SEM1: variants seen among roughly 807,000 people sequenced by gnomAD.
SEM1 encodes 26S proteasome complex subunit SEM1.
SEM1 carries 3 observed loss-of-function variants against 12.7 expected under a neutral mutation model. The ratio of observed to expected loss-of-function variants is 0.24; its 90% CI spans 0.11 to 0.61. The LOEUF (loss-of-function observed/expected upper bound fraction) is 0.61. Among genes scored for constraint, SEM1 ranks in the 20% least tolerant of loss-of-function variants. The probability of loss-of-function intolerance (pLI) is 0.88; values close to 1 mark genes in which losing one functional copy is unlikely to be tolerated. For synonymous variants in SEM1, 30 were observed against 27.8 expected (o/e 1.08, Z -0.25); for missense variants, 59 against 81.3 (o/e 0.73, Z 1.06).
chr7:96,534,466 G>C (rs553653858), intron 2 of SEM1, among the ~76,000 whole-genome samples: 1 of 152,022 alleles, frequency 6.6e-6, no homozygotes, highest in African/African-American at 2.4e-5. Flanking sequence ...AATCAGACAT[G>C]GGTAAAAGGT....
chr7:96,520,480 A>G (rs1185326822), intron 2 of SEM1, among the ~76,000 whole-genome samples: 19 of 152,154 alleles, frequency 1.2e-4, no homozygotes, highest in Admixed American at 1.2e-3. Context: ...AATAGCTGAT[A>G]TAACACTTGA....
rs545116901 is a variant in SEM1 at position 96,559,520 on chromosome 7, C to T, written c.171-52822G>A. 2.4e-3 allele frequency among the ~76,000 whole-genome samples: 362 copies of T among 152,234 alleles called. 2 individuals are homozygous for T. Among genetic ancestry groups the T allele is most frequent in the Non-Finnish European group, 4.3e-3 (295 of 68,016 alleles). On this transcript the variant is annotated intron_variant and NMD_transcript_variant, in intron 2 of 3. Transcript: ENST00000466986. Reference sequence around the variant, plus strand: ...CTGGTCTTGAAATCCAGAGATCAAGCGACCCACCCACCCAAAGTGCTGGAA... The same window carrying T: ...CTGGTCTTGAAATCCAGAGATCAAGTGACCCACCCACCCAAAGTGCTGGAA...
intron 2 of SEM1, among the ~76,000 whole-genome samples, chr7:96,536,796 A>AT (rs57351643): frequency 0.02 from 3,047 of 151,730 alleles, 107 homozygotes; most frequent in African/African-American, 0.069. Context: ...TTTTTAACCT[A>AT]TTTTTTACTT....
At chr7:96,579,728 A>G (rs1330895538) in intron 2 of SEM1, among the ~76,000 whole-genome samples, 1 of 152,176 alleles carries the variant, frequency 6.6e-6, no homozygotes, top group Non-Finnish European at 1.5e-5. Flanking sequence ...TTCATTTTGT[A>G]TCTTAATTTT....
downstream of SEM1, among the ~76,000 whole-genome samples, chr7:96,669,476 C>T (rs1056044709): frequency 2.6e-4 from 39 of 152,156 alleles, no homozygotes; most frequent in Admixed American, 6.6e-5. Flanking sequence ...GAAAAAATTT[C>T]CCCACTACTT....
chr7:96,621,673 A>G (rs563727828), downstream of SEM1: 3 of 152,374 alleles, frequency 2.0e-5, no homozygotes, highest in African/African-American at 7.2e-5. Context: ...GCAAGTATTT[A>G]TCAGACATTA....
Position 96,595,811 on chromosome 7 carries a change from T to A in SEM1, c.171-89113A>T, listed in dbSNP as rs553074082. Among the ~76,000 whole-genome samples, 359 of 152,330 alleles carry A rather than the reference T, an allele frequency of 2.4e-3. 1 individual carries two copies. Among genetic ancestry groups the A allele is most frequent in the African/African-American group, 8.4e-3 (349 of 41,574 alleles). On this transcript the variant is annotated intron_variant and NMD_transcript_variant, in intron 2 of 3. Coordinates refer to the SEM1 transcript ENST00000466986. ...CTTTCCCCCTAACTTGTAATGAGCT[T>A]CAGACTCATCATAACCTGAAGTGAA... is the stretch of plus-strand genomic sequence containing the variant.
chr7:96,632,114 A>G (rs1021046292), intron 2 of SEM1, among the ~76,000 whole-genome samples: 1 of 152,160 alleles, frequency 6.6e-6, no homozygotes, highest in Non-Finnish European at 1.5e-5. Context: ...TGGGAGTGTA[A>G]ATTAGTTCAA....
At chr7:96,681,803 T>G (rs1303611560) in intron 2 of SEM1, among the ~76,000 whole-genome samples, 1 of 152,204 alleles carries the variant, frequency 6.6e-6, no homozygotes, top group East Asian at 1.9e-4. Flanking sequence ...TAGTATAGTT[T>G]GAAGCCAGGT....
chr7:96,578,252 C>T (rs1381652983), intron 2 of SEM1, among the ~76,000 whole-genome samples: 1 of 147,104 alleles, frequency 6.8e-6, no homozygotes. Flanking sequence ...CCTTTAGATT[C>T]AGTGTCCTGA....
chr7:96,540,522 ATATT>A, intron 2 of SEM1, among the ~76,000 whole-genome samples: 1 of 152,000 alleles, frequency 6.6e-6, no homozygotes, highest in South Asian at 2.1e-4. Context: ...ATTTACACAA[ATATT>A]TATAACCAAG....
chr7:96,659,837 G>GC (rs894757037), intron 2 of SEM1, among the ~76,000 whole-genome samples: 1 of 142,010 alleles, frequency 7.0e-6, no homozygotes, highest in African/African-American at 2.6e-5. Flanking sequence ...ATCCCACCAA[G>GC]CCCCCCAAAA....
intron 2 of SEM1, among the ~76,000 whole-genome samples, chr7:96,587,153 G>A (rs977459044): frequency 6.6e-6 from 1 of 152,156 alleles, no homozygotes; most frequent in African/African-American, 2.4e-5. Flanking sequence ...TTATTAACAA[G>A]ATTAAAGAGA....
intron 2 of SEM1, among the ~76,000 whole-genome samples, chr7:96,561,736 T>C (rs941587364): frequency 1.3e-5 from 2 of 152,338 alleles, no homozygotes; most frequent in Middle Eastern, 3.4e-3. Flanking sequence ...ATATAAAATG[T>C]GACCCATTAA....
intron 2 of SEM1, among the ~76,000 whole-genome samples, chr7:96,522,259 A>G (rs1470997309): frequency 6.6e-6 from 1 of 152,150 alleles, no homozygotes; most frequent in Non-Finnish European, 1.5e-5. Flanking sequence ...TAACTGATCC[A>G]TTCCGGGCAT....
chr7:96,536,768 T>C (rs1804799310), intron 2 of SEM1, among the ~76,000 whole-genome samples: 1 of 151,770 alleles, frequency 6.6e-6, no homozygotes, highest in Non-Finnish European at 1.5e-5. Context: ...ATGTGGCATA[T>C]CTTTCTCCAT....
At chr7:96,581,692 T>C (rs535855475) in intron 2 of SEM1, among the ~76,000 whole-genome samples, 49 of 152,350 alleles carry the variant, frequency 3.2e-4, no homozygotes, top group African/African-American at 1.2e-3. Context: ...TTCACAGCCC[T>C]TGTAAGTTGG....
intron 2 of SEM1, among the ~76,000 whole-genome samples, chr7:96,598,016 C>T (rs1242289604): frequency 6.6e-6 from 1 of 152,074 alleles, no homozygotes; most frequent in Non-Finnish European, 1.5e-5. Flanking sequence ...ACATGGTTTC[C>T]TCAGTCATTT....
At chr7:96,628,429 C>T (rs1478630341) in intron 2 of SEM1, among the ~76,000 whole-genome samples, 2 of 151,722 alleles carry the variant, frequency 1.3e-5, no homozygotes, top group African/African-American at 2.4e-5. Context: ...TGTATGTTAC[C>T]GTGAGGCTTG....
Sources: gnomAD v4.1 joint callset for allele counts (sites outside exome capture counted in the v4.1 genomes callset) on GRCh38, gnomAD v4.1.1 for gene constraint, MANE v1.5 for transcripts, NCBI Gene and HGNC (gene_info 2026-07-23, HGNC 2026-07-21) for gene names.